The following KCNIP3 variants were observed in gnomAD, a reference collection of about 807,000 sequenced individuals.
KCNIP3 encodes potassium voltage-gated channel interacting protein 3.
KCNIP3 carries 28 observed loss-of-function variants against 35.0 expected under a neutral mutation model. The ratio of observed to expected loss-of-function variants is 0.80; its 90% CI spans 0.59 to 1.10. The LOEUF (loss-of-function observed/expected upper bound fraction) is 1.10. KCNIP3 is among the 50% of genes least tolerant of loss of function. The probability of loss-of-function intolerance (pLI) is 0.00; values close to 1 mark genes in which losing one functional copy is unlikely to be tolerated. For synonymous variants in KCNIP3, 134 were observed against 133.8 expected (o/e 1.00, Z -0.01); for missense variants, 295 against 338.4 (o/e 0.87, Z 1.01).
rs561765887 is a variant in KCNIP3, at chr2:95,382,538, G to A, written c.660+57G>A. On this transcript the variant is annotated intron_variant, in intron 7 of 8. Transcript: ENST00000295225. The surrounding 1 kb of genome is among the most constrained non-coding windows in gnomAD (Gnocchi z 4.5). ...GAGCCTGGCAGAGGAAGGGGCTCTCGCTTTTGGGGCCACCCCGGGCAAGTG... is the reference window on the plus strand; with the variant it reads ...GAGCCTGGCAGAGGAAGGGGCTCTCACTTTTGGGGCCACCCCGGGCAAGTG... 1.8e-5 allele frequency: 23 copies of A among 1,312,538 alleles called. No individual in the cohort carries two copies. Among genetic ancestry groups the A allele is most frequent in the South Asian group, 9.5e-5 (7 of 73,518 alleles). The allele number at this position is 1,312,538 out of a possible 1,614,324, so 81.3% of individuals were successfully genotyped here.
rs1680426601 is a variant in KCNIP3 at position 95,384,185 on chromosome 2, C to CACACAG, written c.*141_*142insGACACA. On this transcript the variant is annotated 3_prime_UTR_variant, in exon 9 of 9. Transcript: ENST00000295225. The stretch of plus-strand genomic sequence containing the variant: ...ACAGATTGCTACACACACACACACA[C>CACACAG]ACACACACACACACACACACAGCCA... 1.5e-5 allele frequency: 10 copies of CACACAG among 654,188 alleles called. No homozygotes were observed. The highest frequency in any genetic ancestry group is 2.5e-5 in the Non-Finnish European group (9 of 363,064). 40.5% of individuals were successfully genotyped at this position (654,188 alleles called of 1,614,324 possible).
chr2:95,369,972 C>T (rs1680004815), intron 2 of KCNIP3, among the ~76,000 whole-genome samples: 1 of 152,064 alleles, frequency 6.6e-6, no homozygotes, highest in South Asian at 2.1e-4. Flanking sequence ...CTTAGAAGTT[C>T]CATTTTGTTC....
rs1291166265 is a variant in KCNIP3 at position 95,385,238 on chromosome 2, G to C, written c.*1189G>C. On this transcript the variant is annotated 3_prime_UTR_variant, in exon 9 of 9. Transcript: ENST00000295225. ...GCCCCAATATGGTGGCCCTGGGGAA[G>C]AGGCCTTGGGGGTCTGCTCTGTGCC... 3 of 152,812 alleles carry C rather than the reference G, an allele frequency of 2.0e-5. No individual in the cohort carries two copies. Among genetic ancestry groups the C allele is most frequent in the African/African-American group, 7.2e-5 (3 of 41,476 alleles). The allele number at this position is 152,812 out of a possible 1,614,324, so 9.5% of individuals were successfully genotyped here.
intron 3 of KCNIP3, 123 bp downstream of exon 3, chr2:95,374,543 G>T: frequency 1.6e-6 from 2 of 1,273,878 alleles, no homozygotes; most frequent in Non-Finnish European, 1.1e-6. Flanking sequence ...TTGTGGGAAA[G>T]CTGTGTGGCG....
intron 7 of KCNIP3, 60 bp from the exon 8 acceptor site, chr2:95,383,172 C>G: frequency 6.6e-7 from 1 of 1,508,982 alleles, no homozygotes; most frequent in East Asian, 2.3e-5. Flanking sequence ...GTCCTCAGGC[C>G]AGGGGCGGGG....
At chr2:95,309,370 A>T (rs1454839413) in intron 1 of KCNIP3, among the ~76,000 whole-genome samples, 1 of 149,540 alleles carries the variant, frequency 6.7e-6, no homozygotes, top group Non-Finnish European at 1.5e-5. Flanking sequence ...TGGGGCCTCC[A>T]CCATGACCCC....
At position 95,378,961 on chromosome 2, in the gene KCNIP3, G is replaced by T. The variant is rs557012749; in HGVS notation, c.448-2635G>T. On this transcript the variant is annotated intron_variant, in intron 5 of 8. Coordinates refer to ENST00000295225, the MANE Select transcript of KCNIP3 (RefSeq NM_013434.5). This position sits in a 1 kb window ranked among gnomAD's most constrained non-coding sequence, Gnocchi z 4.0. ...CACATGACTGGAGTCCAACACATTCGCAGGGTGCACGTTGGAAAACCAGCA... is the reference window on the plus strand; with the variant it reads ...CACATGACTGGAGTCCAACACATTCTCAGGGTGCACGTTGGAAAACCAGCA... 1.3e-5 allele frequency among the ~76,000 whole-genome samples: 2 copies of T among 151,362 alleles called. No homozygotes were observed. The highest frequency in any genetic ancestry group is 6.6e-5 in the Admixed American group (1 of 15,216).
Position 95,382,319 on chromosome 2 carries a change from T to G in KCNIP3, c.556-58T>G. 1 of 1,209,634 alleles carries G rather than the reference T, an allele frequency of 8.3e-7. No homozygotes were observed. Among genetic ancestry groups the G allele is most frequent in the Non-Finnish European group, 1.2e-6 (1 of 864,404 alleles). The allele number at this position is 1,209,634 out of a possible 1,614,324, so 74.9% of individuals were successfully genotyped here. On this transcript the variant is annotated intron_variant, in intron 6 of 8. Transcript: ENST00000295225. This position sits in a 1 kb window ranked among gnomAD's most constrained non-coding sequence, Gnocchi z 4.5. ...CACCCTTGGATGCCGCCCGCTCCCT[T>G]TGGGCCCTCACAGCCACCCCGGCCT...
At chr2:95,344,854 G>T (rs1304280276) in intron 2 of KCNIP3, among the ~76,000 whole-genome samples, 2 of 152,240 alleles carry the variant, frequency 1.3e-5, no homozygotes, top group Non-Finnish European at 2.9e-5. Context: ...CTGAGGCTTA[G>T]AGGGGTTATG....
At chr2:95,356,935 T>TG (rs1418404202) in intron 2 of KCNIP3, among the ~76,000 whole-genome samples, 1 of 152,206 alleles carries the variant, frequency 6.6e-6, no homozygotes, top group Non-Finnish European at 1.5e-5. Flanking sequence ...TTGGTTGTGT[T>TG]GGGCTTTCTT....
rs1558778802 is a variant in KCNIP3 at position 95,376,453 on chromosome 2, TCCTGAGGGACAGC to T, written c.447+1247_447+1259del. ...CCTCCTGTGGCCATCACCCTCGCTGTCCTGAGGGACAGCCTTGTGGCCCTTTAAGGAAGCAGGT... is the reference window on the plus strand; with the variant it reads ...CCTCCTGTGGCCATCACCCTCGCTGTCTTGTGGCCCTTTAAGGAAGCAGGT... On this transcript the variant is annotated intron_variant, in intron 5 of 8. Coordinates refer to ENST00000295225, the MANE Select transcript of KCNIP3 (RefSeq NM_013434.5). The surrounding 1 kb of genome is among the most constrained non-coding windows in gnomAD (Gnocchi z 4.2). Among the ~76,000 whole-genome samples, 1 of 152,274 alleles carries T rather than the reference TCCTGAGGGACAGC, an allele frequency of 6.6e-6. No homozygotes were observed. Among genetic ancestry groups the T allele is most frequent in the South Asian group, 2.1e-4 (1 of 4,826 alleles).
At chr2:95,307,103 G>T (rs1295083613) in intron 1 of KCNIP3, among the ~76,000 whole-genome samples, 2 of 152,174 alleles carry the variant, frequency 1.3e-5, no homozygotes, top group African/African-American at 4.8e-5. Flanking sequence ...CACAAAGAGG[G>T]GTGCCCATCA....
At chr2:95,375,086 T>G in intron 4 of KCNIP3, 52 bp from the exon 5 acceptor site, 1 of 1,588,374 alleles carries the variant, frequency 6.3e-7, no homozygotes, top group Non-Finnish European at 8.6e-7. Context: ...GGGTGGGAGA[T>G]GAGCCGCCAG....
chr2:95,339,528 G>A (rs1479736554), intron 2 of KCNIP3, among the ~76,000 whole-genome samples: 7 of 152,024 alleles, frequency 4.6e-5, no homozygotes, highest in Non-Finnish European at 1.5e-5. Flanking sequence ...AGGTCACAGT[G>A]AGGTGAGATT....
At position 95,339,581 on chromosome 2, in the gene KCNIP3, C is replaced by CA. The variant is rs34967390; in HGVS notation, c.181+29074dup. On this transcript the variant is annotated intron_variant, in intron 2 of 8. Transcript: ENST00000295225. ...CGTGGGTGGCAGAGTAAGACCCTGT[C>CA]AAAAAAAAAAAAAGATTGAAAATAA... is the stretch of plus-strand genomic sequence containing the variant. Among the ~76,000 whole-genome samples the CA allele has an allele frequency of 9.1e-3, 1,075 of 118,676 alleles. 43 individuals are homozygous for CA. The highest frequency in any genetic ancestry group is 0.071 in the Admixed American group (836 of 11,822). 77.9% of individuals were successfully genotyped at this position (118,676 alleles called of 152,430 possible). A position where few individuals can be genotyped will look rare whatever the true frequency, so the allele number is the denominator to read the frequency against.
intron 2 of KCNIP3, among the ~76,000 whole-genome samples, chr2:95,365,359 G>A (rs1239343653): frequency 2.6e-5 from 4 of 151,900 alleles, no homozygotes; most frequent in South Asian, 2.1e-4. Flanking sequence ...ACGGGGTTTC[G>A]CCATGTTGGC....
intron 2 of KCNIP3, among the ~76,000 whole-genome samples, chr2:95,370,605 T>C (rs1486768434): frequency 6.6e-6 from 1 of 152,238 alleles, no homozygotes; most frequent in Non-Finnish European, 1.5e-5. Context: ...AATCGAGTTA[T>C]TAGTCTTATG....
chr2:95,343,796 G>C (rs1679275982), intron 2 of KCNIP3, among the ~76,000 whole-genome samples: 1 of 152,200 alleles, frequency 6.6e-6, no homozygotes, highest in Non-Finnish European at 1.5e-5. Context: ...ATCTGGGTTG[G>C]CTTCTTGGAG....
chr2:95,365,276 C>T (rs1190380817), intron 2 of KCNIP3, among the ~76,000 whole-genome samples: 2 of 151,768 alleles, frequency 1.3e-5, no homozygotes, highest in African/African-American at 2.4e-5. Flanking sequence ...ATTCTCCTGC[C>T]TCAGCTTCCC....
Sources: gnomAD v4.1 joint callset for allele counts (sites outside exome capture counted in the v4.1 genomes callset) on GRCh38, gnomAD v4.1.1 for gene constraint, Gnocchi (gnomAD v3.1) non-coding constraint, MANE v1.5 for transcripts, NCBI Gene and HGNC (gene_info 2026-07-23, HGNC 2026-07-21) for gene names.